Variants in MMP16 observed in about 807,000 individuals in gnomAD.
The protein encoded by MMP16 is matrix metalloproteinase-16.
In MMP16, 12 loss-of-function variants were observed where a neutral mutation model predicts 67.8. The ratio of observed to expected loss-of-function variants is 0.18; its 90% CI spans 0.11 to 0.29. MMP16 has a LOEUF of 0.29. Among genes scored for constraint, MMP16 ranks in the 10% least tolerant of loss-of-function variants. MMP16 has a pLI of 1.00. For missense variants in MMP16, 475 were observed against 765.7 expected (o/e 0.62, Z 4.48); for synonymous variants, 249 against 255.9 (o/e 0.97, Z 0.26).
At chr8:88,076,935 C>A (rs931420029) in intron 6 of MMP16, among the ~76,000 whole-genome samples, 4 of 152,102 alleles carry the variant, frequency 2.6e-5, no homozygotes, top group Admixed American at 2.6e-4. Context: ...CCACAAAAGC[C>A]CTTCCCATTG....
chr8:88,289,511 T>C (rs1306933666), intron 1 of MMP16, among the ~76,000 whole-genome samples: 2 of 151,830 alleles, frequency 1.3e-5, no homozygotes, highest in Non-Finnish European at 2.9e-5. Context: ...AGTAAAATAT[T>C]TGTACATCTA....
chr8:88,228,939 T>C (rs1340577156), intron 1 of MMP16, among the ~76,000 whole-genome samples: 2 of 151,840 alleles, frequency 1.3e-5, no homozygotes, highest in Non-Finnish European at 2.9e-5. Flanking sequence ...GATGAGATGA[T>C]CACTTGAGCC....
intron 4 of MMP16, among the ~76,000 whole-genome samples, chr8:88,128,773 A>G (rs1216056905): frequency 1.3e-5 from 2 of 151,810 alleles, no homozygotes; most frequent in African/African-American, 4.8e-5. Context: ...ATGACTATGG[A>G]TCCCCAAGAA....
chr8:88,322,923 G>C (rs754789395), intron 1 of MMP16, among the ~76,000 whole-genome samples: 5 of 152,096 alleles, frequency 3.3e-5, no homozygotes, highest in Non-Finnish European at 5.9e-5. Context: ...AAACAATTGA[G>C]ACTCTTGTTC....
At chr8:88,320,405 C>T (rs1291480484) in intron 1 of MMP16, among the ~76,000 whole-genome samples, 1 of 152,080 alleles carries the variant, frequency 6.6e-6, no homozygotes, top group African/African-American at 2.4e-5. Flanking sequence ...AACAGGAACA[C>T]CAAAAACACC....
intron 1 of MMP16, among the ~76,000 whole-genome samples, chr8:88,282,082 T>TGTG (rs1554591339): frequency 8.6e-6 from 1 of 116,202 alleles, no homozygotes; most frequent in East Asian, 2.1e-4. Context: ...TTTTCTTTTT[T>TGTG]GGGGGGGGGG....
intron 6 of MMP16, among the ~76,000 whole-genome samples, chr8:88,110,869 G>A (rs1193289893): frequency 3.3e-5 from 5 of 151,634 alleles, no homozygotes; most frequent in African/African-American, 1.2e-4. Flanking sequence ...AAAATGCTAA[G>A]TCTGCTTTGC....
chr8:88,236,466 C>A (rs1055067225), intron 1 of MMP16, among the ~76,000 whole-genome samples: 1 of 152,084 alleles, frequency 6.6e-6, no homozygotes, highest in Admixed American at 6.5e-5. Flanking sequence ...TAGTTAAAAC[C>A]AGCCCTAGGG....
intron 3 of MMP16, among the ~76,000 whole-genome samples, chr8:88,182,240 T>C (rs1396615710): frequency 6.6e-6 from 1 of 152,010 alleles, no homozygotes; most frequent in Non-Finnish European, 1.5e-5. Flanking sequence ...AAGAAAGTAT[T>C]TGGAAACAGA....
At chr8:88,125,506 T>C (rs1335445429) in intron 4 of MMP16, among the ~76,000 whole-genome samples, 1 of 151,976 alleles carries the variant, frequency 6.6e-6, no homozygotes, top group Non-Finnish European at 1.5e-5. Flanking sequence ...ACAAATATTT[T>C]AGATTAAATC....
At chr8:88,166,863 G>A (rs964319950) in intron 4 of MMP16, among the ~76,000 whole-genome samples, 3 of 151,286 alleles carry the variant, frequency 2.0e-5, no homozygotes, top group Non-Finnish European at 2.9e-5. Flanking sequence ...GAGCCACTGC[G>A]CCCAGCCTGC....
intron 1 of MMP16, among the ~76,000 whole-genome samples, chr8:88,262,424 G>A (rs2129951238): frequency 6.6e-6 from 1 of 152,250 alleles, no homozygotes; most frequent in Non-Finnish European, 1.5e-5. Flanking sequence ...TATTTTTCCG[G>A]AACTTCATCA....
chr8:88,124,730 A>C (rs1807897514), intron 4 of MMP16, among the ~76,000 whole-genome samples: 1 of 151,954 alleles, frequency 6.6e-6, no homozygotes, highest in Admixed American at 6.6e-5. Flanking sequence ...TGGATGCCAT[A>C]ACAAAATACC....
intron 4 of MMP16, among the ~76,000 whole-genome samples, chr8:88,136,511 C>T (rs574643789): frequency 4.2e-4 from 64 of 151,628 alleles, no homozygotes; most frequent in African/African-American, 1.5e-3. Flanking sequence ...ACTGGTAATC[C>T]ATCTGCTTGA....
intron 1 of MMP16, among the ~76,000 whole-genome samples, chr8:88,235,069 T>C (rs1809919065): frequency 6.6e-6 from 1 of 152,142 alleles, no homozygotes; most frequent in Non-Finnish European, 1.5e-5. Flanking sequence ...ATTTTCAGGA[T>C]CACTGACACA....
intron 8 of MMP16, 136 bp downstream of exon 8, chr8:88,055,992 C>A: frequency 1.8e-6 from 1 of 549,684 alleles, no homozygotes; most frequent in Non-Finnish European, 2.9e-6. Flanking sequence ...AAATGTAAAA[C>A]AATTTTTAAT....
intron 1 of MMP16, among the ~76,000 whole-genome samples, chr8:88,288,151 T>C (rs1440388267): frequency 2.0e-5 from 3 of 152,190 alleles, no homozygotes; most frequent in Non-Finnish European, 4.4e-5. Context: ...GGTCCTCTTG[T>C]ACTTAAAAAT....
At chr8:88,239,118 C>A (rs1809992564) in intron 1 of MMP16, among the ~76,000 whole-genome samples, 1 of 151,942 alleles carries the variant, frequency 6.6e-6, no homozygotes, top group Admixed American at 6.5e-5. Flanking sequence ...ACACTGTTTT[C>A]CTTTCCCTGT....
At chr8:88,231,193 A>G (rs1160362668) in intron 1 of MMP16, among the ~76,000 whole-genome samples, 1 of 152,204 alleles carries the variant, frequency 6.6e-6, no homozygotes, top group Non-Finnish European at 1.5e-5. Flanking sequence ...GAGAAAATAA[A>G]ATGGAATCAA....
Sources: gnomAD v4.1 joint callset for allele counts (sites outside exome capture counted in the v4.1 genomes callset) on GRCh38, gnomAD v4.1.1 for gene constraint, MANE v1.5 for transcripts, NCBI Gene and HGNC (gene_info 2026-07-23, HGNC 2026-07-21) for gene names.